The following ZFHX3 variants were observed in gnomAD, a reference collection of about 807,000 sequenced individuals.
ZFHX3 encodes zinc finger homeobox 3.
Under a neutral mutation model 279.1 loss-of-function variants are expected in ZFHX3, and 42 were observed. The ratio of observed to expected loss-of-function variants is 0.15; its 90% CI spans 0.12 to 0.19. ZFHX3 has a LOEUF of 0.19. Among genes scored for constraint, ZFHX3 ranks in the 10% least tolerant of loss-of-function variants. The pLI is 1.00. For missense variants in ZFHX3, 4,981 were observed against 4,754.0 expected, an observed-to-expected ratio of 1.05 and a Z score of -1.40; for synonymous variants, 2,293 against 1,957.8, an observed-to-expected ratio of 1.17 and a Z score of -4.52.
At chr16:73,010,036 A>C (rs1963857141) in intron 1 of ZFHX3, among the ~76,000 whole-genome samples, 1 of 151,440 alleles carries the variant, frequency 6.6e-6, no homozygotes, top group South Asian at 2.1e-4. Context: ...AAAAAAAAAA[A>C]AAAAAAACTC....
chr16:73,433,714 C>T lies in ZFHX3; in HGVS notation c.-1291+22289G>A, dbSNP rs73597022. On this transcript the variant is annotated intron_variant, in intron 3 of 17. Transcript: ENST00000641206. ...TAACTCTCTGGGGTTACGAGGCAGA[C>T]GCCCAGCCTGTACTGGCAATGATGC... 8.8e-3 allele frequency among the ~76,000 whole-genome samples: 1,340 copies of T among 152,268 alleles called. 15 individuals carry two copies. The highest frequency in any genetic ancestry group is 0.031 in the African/African-American group (1,275 of 41,560).
intron 5 of ZFHX3, among the ~76,000 whole-genome samples, chr16:72,818,900 T>C (rs553337789): frequency 6.6e-6 from 1 of 152,328 alleles, no homozygotes; most frequent in South Asian, 2.1e-4. Context: ...GCCTTTTGTT[T>C]CTAAAAAGGG....
At chr16:73,455,982 C>T (rs1221746907) in intron 3 of ZFHX3, 7 of 151,982 alleles carry the variant, frequency 4.6e-5, no homozygotes, top group Non-Finnish European at 8.8e-5. Context: ...TCTTAGAACC[C>T]GAAGCAGAAA....
At chr16:73,124,512 G>A (rs1388718924) in intron 7 of ZFHX3, among the ~76,000 whole-genome samples, 1 of 152,164 alleles carries the variant, frequency 6.6e-6, no homozygotes, top group Non-Finnish European at 1.5e-5. Context: ...CAGAGTGCGG[G>A]CTTTGGAGCC....
intron 4 of ZFHX3, among the ~76,000 whole-genome samples, chr16:73,290,287 C>T (rs868179283): frequency 6.4e-4 from 98 of 152,176 alleles, no homozygotes; most frequent in African/African-American, 2.3e-3. Flanking sequence ...TGTTCAGCAC[C>T]ATGAGAACCT....
In ZFHX3 at chr16:73,598,523, T is replaced by A. The variant is rs557261604; in HGVS notation, c.-1547+81657A>T. Among the ~76,000 whole-genome samples, 44 of 150,830 alleles carry A rather than the reference T, an allele frequency of 2.9e-4. 1 individual carries two copies. In the South Asian group the frequency reaches 7.4e-3, roughly 25 times the overall value. Reference sequence around the variant, plus strand: ...GCCTCAAACTCTCAGGCTCAAGCAATCCTTCCATCTCACCCTCCTGAGTAG... The same window carrying A: ...GCCTCAAACTCTCAGGCTCAAGCAAACCTTCCATCTCACCCTCCTGAGTAG... On this transcript the variant is annotated intron_variant, in intron 2 of 17. Transcript: ENST00000641206.
rs1215986355 is a variant in ZFHX3, at chr16:72,785,214, G to A, written c.*1950C>T. ...GTTTTAGCAGCACAAAGTTTTCAAA[G>A]TTCAGACCATTTATTTATTTTTCTT... On this transcript the variant is annotated 3_prime_UTR_variant, in exon 10 of 10. Transcript: ENST00000268489. The A allele has an allele frequency of 6.6e-6, 1 of 152,652 alleles. No homozygotes were observed. Among genetic ancestry groups the A allele is most frequent in the African/African-American group, 2.4e-5 (1 of 41,458 alleles). 9.5% of individuals were successfully genotyped at this position (152,652 alleles called of 1,614,324 possible).
intron 1 of ZFHX3, among the ~76,000 whole-genome samples, chr16:73,011,498 T>C (rs1235759096): frequency 6.6e-6 from 1 of 151,500 alleles, no homozygotes; most frequent in Non-Finnish European, 1.5e-5. Flanking sequence ...ATCCCAGTAC[T>C]TTGGGAGGCC....
chr16:73,046,638 C>T (rs1212716382), intron 1 of ZFHX3, among the ~76,000 whole-genome samples: 2 of 152,062 alleles, frequency 1.3e-5, no homozygotes, highest in Admixed American at 1.3e-4. Flanking sequence ...ACAGAGTTTC[C>T]CCAGCTAGGG....
chr16:72,968,194 G>C (rs1295961135), intron 1 of ZFHX3, among the ~76,000 whole-genome samples: 3 of 151,628 alleles, frequency 2.0e-5, no homozygotes, highest in Admixed American at 6.6e-5. Flanking sequence ...CGCACAACCG[G>C]AATCTAATCA....
chr16:73,043,962 C>G (rs1158119754), intron 1 of ZFHX3, among the ~76,000 whole-genome samples: 1 of 152,168 alleles, frequency 6.6e-6, no homozygotes, highest in East Asian at 1.9e-4. Flanking sequence ...CTGCCTGGGT[C>G]TCTCCCTCGG....
chr16:73,832,312 T>C (rs887805885), intron 1 of ZFHX3, among the ~76,000 whole-genome samples: 1 of 152,022 alleles, frequency 6.6e-6, no homozygotes, highest in South Asian at 2.1e-4. Flanking sequence ...TCCTCACACA[T>C]CCTGAAAAGT....
At chr16:73,735,887 T>C (rs2053604624) in intron 1 of ZFHX3, among the ~76,000 whole-genome samples, 1 of 127,860 alleles carries the variant, frequency 7.8e-6, no homozygotes, top group Admixed American at 8.9e-5. Flanking sequence ...GCACCAGCCA[T>C]TCCGTTTTTT....
At chr16:73,457,298 T>C (rs1451113985) in intron 2 of ZFHX3, among the ~76,000 whole-genome samples, 2 of 152,178 alleles carry the variant, frequency 1.3e-5, no homozygotes, top group African/African-American at 4.8e-5. Flanking sequence ...GCATCAGGAA[T>C]GGAGACCATG....
chr16:73,600,543 A>C (rs909089056), intron 2 of ZFHX3, among the ~76,000 whole-genome samples: 1 of 150,850 alleles, frequency 6.6e-6, no homozygotes, highest in Admixed American at 6.6e-5. Context: ...TCAGCCTCCC[A>C]AGTAGCTGGG....
chr16:73,131,316 T>C (rs541128919), intron 6 of ZFHX3, among the ~76,000 whole-genome samples: 1 of 152,236 alleles, frequency 6.6e-6, no homozygotes, highest in Non-Finnish European at 1.5e-5. Context: ...ACGCAATTCA[T>C]GGTCCAGAGT....
chr16:72,964,189 A>G (rs551214145), intron 1 of ZFHX3, among the ~76,000 whole-genome samples: 3 of 152,216 alleles, frequency 2.0e-5, no homozygotes, highest in Non-Finnish European at 4.4e-5. Flanking sequence ...CGTTGACTCA[A>G]CAATTCCCCG....
Position 72,794,313 on chromosome 16 carries a change from T to C in ZFHX3, c.8369A>G (p.Lys2790Arg). ...AGTTCTGGGTGACAATTCCATGGTT[T>C]TACTCACAGGTGAGAGGGGGACACC... The part of the protein sequence containing the change: ...GQGVPLSPVS[K>R]TMELSPRTLL... The change falls in exon 9 of 10, where the codon AAA becomes AGA. Residue 2790 changes from lysine (K) to arginine (R), a missense_variant. By Grantham distance (26) the Lys-to-Arg change is conservative. Coordinates refer to ENST00000268489, the MANE Select transcript of ZFHX3 (RefSeq NM_006885.4). The surrounding 1 kb of genome is among the most constrained non-coding windows in gnomAD (Gnocchi z 4.2). 1 of 1,609,164 alleles carries C rather than the reference T, an allele frequency of 6.2e-7. No homozygotes were observed. Among genetic ancestry groups the C allele is most frequent in the Non-Finnish European group, 8.5e-7 (1 of 1,177,172 alleles).
At chr16:73,439,750 G>A (rs931994329) in intron 3 of ZFHX3, among the ~76,000 whole-genome samples, 3 of 151,760 alleles carry the variant, frequency 2.0e-5, no homozygotes, top group Non-Finnish European at 4.4e-5. Flanking sequence ...GCAGCCTGCT[G>A]ATTCTTCTCT....
Sources: allele counts gnomAD v4.1 joint callset (sites outside exome capture counted in the v4.1 genomes callset), GRCh38; gene constraint gnomAD v4.1.1; non-coding constraint Gnocchi (gnomAD v3.1); transcripts MANE v1.5; gene names NCBI Gene and HGNC (gene_info 2026-07-23, HGNC 2026-07-21).